Variants in RPL36A observed in about 807,000 individuals in gnomAD.
RPL36A encodes the protein large ribosomal subunit protein eL42.
For missense variants in RPL36A, 20 were observed against 81.0 expected (o/e 0.25, Z 2.89); for synonymous variants, 25 against 28.5 (o/e 0.88, Z 0.39).
Position 101,395,520 on chromosome X carries a change from A to G in RPL36A, c.300+63A>G, listed in dbSNP as rs781848494. The G allele has an allele frequency of 3.1e-5, 37 of 1,175,791 alleles. No homozygotes were observed. In the East Asian group the frequency reaches 1.1e-3, roughly 35 times the overall value. On this transcript the variant is annotated intron_variant, in intron 4 of 4. Coordinates refer to ENST00000553110, the MANE Select transcript of RPL36A (RefSeq NM_021029.6). The stretch of plus-strand genomic sequence containing the variant: ...AGCTTTATTATTTGAAAAGGTGAAC[A>G]TCTATTCATTGTGGCATAGAGCTCA...
Position 101,391,041 on chromosome X carries a change from A to G in RPL36A, c.-3A>G, listed in dbSNP as rs782168971. On this transcript the variant is annotated 5_prime_UTR_variant, in exon 1 of 5. Transcript: ENST00000553110. Reference sequence around the variant, plus strand: ...TTTCCGCGCCGATAGCGCTCACGCAAGCATGGTAGGACTTGCTGGTGGGGG... The same window carrying G: ...TTTCCGCGCCGATAGCGCTCACGCAGGCATGGTAGGACTTGCTGGTGGGGG... 10 of 1,210,610 alleles carry G rather than the reference A, an allele frequency of 8.3e-6. No individual in the cohort carries two copies. In the East Asian group the frequency reaches 2.1e-4, roughly 25 times the overall value.
rs782133871 is a variant in RPL36A at position 101,391,440 on chromosome X, T to A, written c.4-19T>A. 4 of 1,209,629 alleles carry A rather than the reference T, an allele frequency of 3.3e-6. No homozygotes were observed. The East Asian group carries it at 1.2e-4, about 36-fold the overall frequency. On this transcript the variant is annotated intron_variant, in intron 1 of 4. Transcript: ENST00000553110. The stretch of plus-strand genomic sequence containing the variant: ...TGTGGTCAAATAACATTGCACGTTC[T>A]GAACTGTTTCTTTACTAGGTTAACG...
intron 1 of RPL36A, 24 bp downstream of exon 1, chrX:101,391,070 A>G (rs781987624): frequency 5.0e-6 from 6 of 1,195,518 alleles, no homozygotes; most frequent in Non-Finnish European, 6.8e-6. Context: ...GTGGGGGCCG[A>G]GTAACATCCA....
chrX:101,391,102 G>C (rs1482284878), intron 1 of RPL36A, 56 bp downstream of exon 1: 12 of 1,159,331 alleles, frequency 1.0e-5, no homozygotes, highest in African/African-American at 1.8e-5. Flanking sequence ...CCCCCCCTTC[G>C]TCGCCCGTGC....
intron 4 of RPL36A, 67 bp downstream of exon 4, chrX:101,395,524 A>C (rs782488044): frequency 8.6e-7 from 1 of 1,167,555 alleles, no homozygotes; most frequent in African/African-American, 1.8e-5. Context: ...GTGAACATCT[A>C]TTCATTGTGG....
intron 4 of RPL36A, 130 bp from the exon 5 acceptor site, chrX:101,395,598 T>C: frequency 9.1e-7 from 1 of 1,096,347 alleles, no homozygotes; most frequent in South Asian, 2.0e-5. Flanking sequence ...GTGAGGTCTT[T>C]TGCTACAAGG....
chrX:101,392,571 A>C (rs3027594), intron 3 of RPL36A: 77,854 of 752,642 alleles, frequency 0.1, 3,093 homozygotes, highest in Non-Finnish European at 0.12. Context: ...CAGAGGTTCT[A>C]ACTAGGTTTT....
chrX:101,394,490 T>C (rs1927942842), intron 3 of RPL36A, among the ~76,000 whole-genome samples: 1 of 107,480 alleles, frequency 9.3e-6, no homozygotes, highest in Admixed American at 1.0e-4. Flanking sequence ...CCCAGGCTGG[T>C]CTCAAAATCC....
chrX:101,395,189 C>G (rs180895691), intron 3 of RPL36A, 146 bp from the exon 4 acceptor site: 31 of 501,038 alleles, frequency 6.2e-5, no homozygotes, highest in Non-Finnish European at 7.9e-5. Flanking sequence ...ATACTGAGTA[C>G]TATTTAAAGC....
chrX:101,396,058 C>T lies in RPL36A; in HGVS notation c.*310C>T. The T allele has an allele frequency of 3.6e-6, 1 of 280,405 alleles. No individual in the cohort carries two copies. Among genetic ancestry groups the T allele is most frequent in the Non-Finnish European group, 6.2e-6 (1 of 160,281 alleles). The allele number at this position is 280,405 out of a possible 1,213,427, so 23.1% of individuals were successfully genotyped here. The stretch of plus-strand genomic sequence containing the variant: ...CAGGCTAATAGGGAGAAGTCAGTAA[C>T]ACATTCATAGTGAATATGAGATGTC... On this transcript the variant is annotated 3_prime_UTR_variant, in exon 5 of 5. Coordinates refer to ENST00000553110, the MANE Select transcript of RPL36A (RefSeq NM_021029.6).
At chrX:101,391,144 A>T (rs1264745909) in intron 1 of RPL36A, 98 bp downstream of exon 1, 2 of 967,723 alleles carry the variant, frequency 2.1e-6, no homozygotes, top group Non-Finnish European at 2.9e-6. Flanking sequence ...TCCTGTGTGG[A>T]CTCGATATAT....
At chrX:101,393,340 C>G (rs1162177196) in intron 3 of RPL36A, 1 of 110,758 alleles carries the variant, frequency 9.0e-6, no homozygotes, top group Non-Finnish European at 1.9e-5. Context: ...AGGATGGTTA[C>G]CAGAAGCTGA....
rs1308632513 is a variant in RPL36A at position 101,395,656 on chromosome X, A to G, written c.301-72A>G. ...TTAACAGCATGGTGAGTATTTTAGGAACAGATAATGTTCTTAATGGGGCAG... is the reference window on the plus strand; with the variant it reads ...TTAACAGCATGGTGAGTATTTTAGGGACAGATAATGTTCTTAATGGGGCAG... On this transcript the variant is annotated intron_variant, in intron 4 of 4. Transcript: ENST00000553110. The G allele has an allele frequency of 3.5e-6, 4 of 1,150,433 alleles. No individual in the cohort carries two copies. In the African/African-American group the frequency reaches 7.2e-5, roughly 21 times the overall value. The allele number at this position is 1,150,433 out of a possible 1,213,427, so 94.8% of individuals were successfully genotyped here.
intron 3 of RPL36A, chrX:101,392,174 C>T (rs782119358): frequency 5.0e-6 from 5 of 1,009,999 alleles, no homozygotes; most frequent in Admixed American, 3.1e-5. Context: ...GTTGGTTGCA[C>T]TAAGAATTGT....
Position 101,391,517 on chromosome X carries a change from A to G in RPL36A, c.62A>G (p.His21Arg). 1 of 1,211,927 alleles carries G rather than the reference A, an allele frequency of 8.3e-7. No homozygotes were observed. Among genetic ancestry groups the G allele is most frequent in the Non-Finnish European group, 1.1e-6 (1 of 895,517 alleles). ...AAGAAGTGTGGCAAGCACCAACCCC[A>G]TAAAGTGACACAGTACAAGAAGGGC... ...FCKKCGKHQPHKVTQYKKGKD... is the reference protein window; with the variant it reads ...FCKKCGKHQPRKVTQYKKGKD... Residue 21 changes from histidine (H) to arginine (R), a missense_variant, in exon 2 of 5, where the codon CAT (histidine) becomes CGT (arginine). Transcript: ENST00000553110.
chrX:101,395,572 C>T lies in RPL36A; in HGVS notation c.300+115C>T. On this transcript the variant is annotated intron_variant, in intron 4 of 4. Coordinates refer to ENST00000553110, the MANE Select transcript of RPL36A (RefSeq NM_021029.6). ...GGGTAATCCTCTAAAAATATTAGAT[C>T]TATAGCTAAAGATATGTGAGGTCTT... 2.7e-6 allele frequency: 3 copies of T among 1,105,542 alleles called. No homozygotes were observed. The South Asian group carries it at 6.3e-5, about 23-fold the overall frequency. The allele number at this position is 1,105,542 out of a possible 1,213,427, so 91.1% of individuals were successfully genotyped here.
rs1555984241 is a variant in RPL36A at position 101,395,883 on chromosome X, C to T, written c.*135C>T. Reference sequence around the variant, plus strand: ...CTTGTGGGGAAATTTATGCCTCTTACTGGTACTACTTGTTTTGCATTGAAG... The same window carrying T: ...CTTGTGGGGAAATTTATGCCTCTTATTGGTACTACTTGTTTTGCATTGAAG... On this transcript the variant is annotated 3_prime_UTR_variant, in exon 5 of 5. Coordinates refer to ENST00000553110, the MANE Select transcript of RPL36A (RefSeq NM_021029.6). 1.2e-5 allele frequency: 7 copies of T among 566,285 alleles called. No individual in the cohort carries two copies. The highest frequency in any genetic ancestry group is 1.9e-5 in the Non-Finnish European group (7 of 360,648). The allele number at this position is 566,285 out of a possible 1,213,427, so 46.7% of individuals were successfully genotyped here. A position where few individuals can be genotyped will look rare whatever the true frequency, so the allele number is the denominator to read the frequency against.
Position 101,394,322 on chromosome X carries a change from CAAA to C in RPL36A, c.178-1000_178-998del, listed in dbSNP as rs79559035. ...GGGCAACAAGAGCAAAACTCCATCT[CAAA>C]AAAAAAAAAAAAGAACAATAAAAAA... On this transcript the variant is annotated intron_variant, in intron 3 of 4. Coordinates refer to ENST00000553110, the MANE Select transcript of RPL36A (RefSeq NM_021029.6). Among the ~76,000 whole-genome samples, 10 of 57,070 alleles carry C rather than the reference CAAA, an allele frequency of 1.8e-4. No homozygotes were observed. In the South Asian group the frequency reaches 6.4e-3, roughly 37 times the overall value. 49.6% of individuals were successfully genotyped at this position (57,070 alleles called of 115,157 possible).
At chrX:101,392,249 T>TATAGA in intron 3 of RPL36A, 1 of 908,564 alleles carries the variant, frequency 1.1e-6, no homozygotes, top group Non-Finnish European at 1.4e-6. Flanking sequence ...TTAAAACTCT[T>TATAGA]ATAGAATAGC....
Sources: allele counts gnomAD v4.1 joint callset (sites outside exome capture counted in the v4.1 genomes callset), GRCh38; gene constraint gnomAD v4.1.1; transcripts MANE v1.5; gene names NCBI Gene and HGNC (gene_info 2026-07-23, HGNC 2026-07-21).